PXDNL: variants seen among roughly 807,000 people sequenced by gnomAD.
PXDNL encodes peroxidasin like.
In PXDNL, 145 loss-of-function variants were observed where a neutral mutation model predicts 150.8. The ratio of observed to expected loss-of-function variants is 0.96; its 90% CI spans 0.84 to 1.10. The LOEUF is 1.10. Among genes scored for constraint, PXDNL ranks in the 50% least tolerant of loss-of-function variants. The pLI is 0.00. For synonymous variants in PXDNL, 757 were observed against 725.7 expected, an observed-to-expected ratio of 1.04 and a Z score of -0.69; for missense variants, 2,087 against 1,873.9, an observed-to-expected ratio of 1.11 and a Z score of -2.10.
At chr8:51,411,492 A>T (rs1808647733) in intron 15 of PXDNL, 85 bp from the exon 16 acceptor site, 4 of 1,245,146 alleles carry the variant, frequency 3.2e-6, no homozygotes, top group Non-Finnish European at 4.3e-6. Flanking sequence ...TTAAAAAGGC[A>T]TTTCCCAAAC....
chr8:51,795,427 T>G lies in PXDNL; in HGVS notation c.164+13754A>C, dbSNP rs537043802. On this transcript the variant is annotated intron_variant, in intron 1 of 22. Coordinates refer to ENST00000356297, the MANE Select transcript of PXDNL (RefSeq NM_144651.5). ...CGCTCCACAGCAAATGCAAAATAAC[T>G]GAAATCATAGCAAACAGTATCTCAG... Among the ~76,000 whole-genome samples the G allele has an allele frequency of 4.6e-5, 7 of 152,216 alleles. No homozygotes were observed. In the East Asian group the frequency reaches 1.3e-3, roughly 29 times the overall value.
At chr8:51,320,958 C>T in intron 21 of PXDNL, 61 bp from the exon 22 acceptor site, 1 of 1,217,996 alleles carries the variant, frequency 8.2e-7, no homozygotes, top group Non-Finnish European at 1.2e-6. Flanking sequence ...CAAAGCCAAT[C>T]AATAACATGG....
intron 1 of PXDNL, among the ~76,000 whole-genome samples, chr8:51,666,008 A>G (rs1815378033): frequency 6.6e-6 from 1 of 152,204 alleles, no homozygotes; most frequent in Non-Finnish European, 1.5e-5. Flanking sequence ...TCTTACACCG[A>G]TATTTGGATA....
intron 1 of PXDNL, among the ~76,000 whole-genome samples, chr8:51,744,938 AAG>A (rs1172896298): frequency 1.9e-4 from 1 of 5,362 alleles, no homozygotes; most frequent in South Asian, 0.17. Flanking sequence ...AAAAGAAAGA[AAG>A]AAAGAAAGAA....
At chr8:51,641,541 C>T (rs953000887) in intron 2 of PXDNL, among the ~76,000 whole-genome samples, 24 of 151,884 alleles carry the variant, frequency 1.6e-4, no homozygotes, top group African/African-American at 4.1e-4. Context: ...AAAAAGTGGG[C>T]GAAGGACATG....
At chr8:51,454,596 A>C (rs2129978270) in intron 9 of PXDNL, among the ~76,000 whole-genome samples, 1 of 152,336 alleles carries the variant, frequency 6.6e-6, no homozygotes, top group Non-Finnish European at 1.5e-5. Flanking sequence ...GCAAAAATTA[A>C]ATATTTGCTA....
chr8:51,494,479 A>G (rs1810991784), intron 5 of PXDNL, among the ~76,000 whole-genome samples: 1 of 152,170 alleles, frequency 6.6e-6, no homozygotes, highest in Non-Finnish European at 1.5e-5. Flanking sequence ...AAAGACACAG[A>G]CTGGCAAATT....
In PXDNL at chr8:51,409,489, C is replaced by T; in HGVS notation, c.2135G>A (p.Arg712His). Residue 712 changes from arginine (R) to histidine (H), a missense_variant, in exon 17 of 23, where the codon CGC (arginine) becomes CAC (histidine). By Grantham distance (29) the Arg-to-His change is conservative. Coordinates refer to ENST00000356297, the MANE Select transcript of PXDNL (RefSeq NM_144651.5). Reference protein sequence around the residue: ...LIANLSGCTARRPLPNCSNRC... With the variant: ...LIANLSGCTAHRPLPNCSNRC... ...GTTGGAGCAGTTTGGCAGAGGCCTG[C>T]GAGCTGTGCATCCAGATAAATTGGC... The T allele has an allele frequency of 1.2e-6, 2 of 1,612,002 alleles. No individual in the cohort carries two copies. The highest frequency in any genetic ancestry group is 1.1e-5 in the South Asian group (1 of 91,012).
chr8:51,374,014 A>G (rs999708690), intron 18 of PXDNL, among the ~76,000 whole-genome samples: 1 of 152,242 alleles, frequency 6.6e-6, no homozygotes, highest in Non-Finnish European at 1.5e-5. Context: ...TTTATTTACA[A>G]TGAACATTTT....
intron 3 of PXDNL, among the ~76,000 whole-genome samples, chr8:51,568,115 A>G (rs1029102710): frequency 6.6e-5 from 10 of 151,722 alleles, no homozygotes; most frequent in African/African-American, 2.4e-4. Flanking sequence ...TATTGTATTT[A>G]TTTTTATTCT....
chr8:51,353,996 C>A (rs995892495), intron 19 of PXDNL, among the ~76,000 whole-genome samples: 3 of 152,052 alleles, frequency 2.0e-5, no homozygotes, highest in African/African-American at 7.2e-5. Flanking sequence ...AAGCAGTCTT[C>A]GACTTTCAGT....
intron 1 of PXDNL, among the ~76,000 whole-genome samples, chr8:51,698,362 C>G (rs1350007879): frequency 6.6e-6 from 1 of 152,236 alleles, no homozygotes; most frequent in Non-Finnish European, 1.5e-5. Flanking sequence ...ACAATGTTCA[C>G]AGCATCTTCA....
intron 7 of PXDNL, 150 bp from the exon 8 acceptor site, chr8:51,472,454 GTTAGAGATTAGACA>G: frequency 1.7e-6 from 1 of 575,260 alleles, no homozygotes; most frequent in Non-Finnish European, 3.1e-6. Flanking sequence ...CATGTACCAG[GTTAGAGATTAGACA>G]TATATTTGAC....
intron 1 of PXDNL, among the ~76,000 whole-genome samples, chr8:51,751,485 T>G (rs1272250239): frequency 6.6e-6 from 1 of 152,248 alleles, no homozygotes; most frequent in African/African-American, 2.4e-5. Flanking sequence ...TTTTACACCA[T>G]GCTGGAGCTC....
Position 51,744,063 on chromosome 8 carries a change from AAGGAAGGAAGGAAGGAAGGAAGGAAG to A in PXDNL, c.164+65092_164+65117del, listed in dbSNP as rs2036940478. On this transcript the variant is annotated intron_variant, in intron 1 of 22. Coordinates refer to ENST00000356297, the MANE Select transcript of PXDNL (RefSeq NM_144651.5). ...GAAGGAAGGAAGGAAGGAAGGAAGG[AAGGAAGGAAGGAAGGAAGGAAGGAAG>A]GAAGGAAAGAAAGAAAGAAAGAAAG... 5.3e-3 allele frequency among the ~76,000 whole-genome samples: 402 copies of A among 76,104 alleles called. 19 individuals carry two copies. The highest frequency in any genetic ancestry group is 0.036 in the South Asian group (66 of 1,846). The allele number at this position is 76,104 out of a possible 152,430, so 49.9% of individuals were successfully genotyped here.
intron 4 of PXDNL, among the ~76,000 whole-genome samples, chr8:51,548,212 T>C (rs1007837467): frequency 2.6e-5 from 4 of 151,862 alleles, no homozygotes; most frequent in African/African-American, 9.7e-5. Flanking sequence ...CAACCAAACA[T>C]TAGAATAATT....
At chr8:51,642,222 G>T (rs1467152218) in intron 2 of PXDNL, among the ~76,000 whole-genome samples, 1 of 140,130 alleles carries the variant, frequency 7.1e-6, no homozygotes, top group Non-Finnish European at 1.6e-5. Context: ...GGAGGGAGGG[G>T]GGAGGGATAG....
chr8:51,798,709 C>T (rs1156325425), intron 1 of PXDNL, among the ~76,000 whole-genome samples: 5 of 152,090 alleles, frequency 3.3e-5, no homozygotes, highest in African/African-American at 1.2e-4. Flanking sequence ...TGTGGAGAAA[C>T]AGGAACCTTT....
At chr8:51,681,568 C>T (rs1815750984) in intron 1 of PXDNL, among the ~76,000 whole-genome samples, 1 of 152,224 alleles carries the variant, frequency 6.6e-6, no homozygotes, top group African/African-American at 2.4e-5. Context: ...GCTGCAGAGT[C>T]ACCCAGGGCC....
Sources: allele counts gnomAD v4.1 joint callset (sites outside exome capture counted in the v4.1 genomes callset), GRCh38; gene constraint gnomAD v4.1.1; transcripts MANE v1.5; gene names NCBI Gene and HGNC (gene_info 2026-07-23, HGNC 2026-07-21).